Variants in SRRM3 observed in about 807,000 individuals in gnomAD.
The protein encoded by SRRM3 is serine/arginine repetitive matrix 3.
A neutral mutation model predicts 66.2 loss-of-function variants in SRRM3; 27 were observed. The ratio of observed to expected loss-of-function variants is 0.41; its 90% CI spans 0.30 to 0.56. SRRM3 has a LOEUF of 0.56. Ranked by LOEUF, SRRM3 falls within the 20% of genes least tolerant of loss-of-function variation. The pLI is 0.32. For missense variants in SRRM3, 918 were observed against 991.9 expected (o/e 0.93, Z 1.00); for synonymous variants, 391 against 414.9 (o/e 0.94, Z 0.70).
Position 76,285,724 on chromosome 7 carries a change from C to G in SRRM3, c.1843C>G (p.His615Asp). ...CCACAGCCGCAGCCCCAGCCCCGGC[C>G]ACAGCCACGGGAGCTACAGCAGTCG... The part of the protein sequence containing the change: ...RSHSRSPSPG[H>D]SHGSYSSRSH... Residue 615 changes from histidine to aspartate, a missense_variant, in exon 15 of 15, where the codon CAC becomes GAC. His to Asp is a moderately conservative substitution (Grantham distance 81). Transcript: ENST00000611745. The surrounding 1 kb of genome is among the most constrained non-coding windows in gnomAD (Gnocchi z 4.1). The G allele has an allele frequency of 6.4e-7, 1 of 1,550,754 alleles. No individual in the cohort carries two copies. Among genetic ancestry groups the G allele is most frequent in the Non-Finnish European group, 8.7e-7 (1 of 1,146,802 alleles).
At position 76,233,577 on chromosome 7, in the gene SRRM3, G is replaced by C. The variant is rs190364022; in HGVS notation, c.-39-1451G>C. ...GGAACTGGGGTATAGGGCTGGTCTC[G>C]GGACAGAGGCGGGAAGCCAGCAGGT... On this transcript the variant is annotated intron_variant, in intron 1 of 14. Transcript: ENST00000611745. 5.6e-4 allele frequency among the ~76,000 whole-genome samples: 86 copies of C among 152,276 alleles called. 1 individual carries two copies. Among genetic ancestry groups the C allele is most frequent in the Non-Finnish European group, 1.0e-4 (7 of 68,022 alleles).
intron 2 of SRRM3, 80 bp downstream of exon 2, chr7:76,235,379 G>A (rs1563618040): frequency 7.7e-7 from 1 of 1,293,364 alleles, no homozygotes; most frequent in Non-Finnish European, 1.0e-6. Flanking sequence ...CTGCACGTGG[G>A]CGTGGCGAAC....
chr7:76,239,101 C>T (rs950432198), intron 2 of SRRM3, among the ~76,000 whole-genome samples: 2 of 152,094 alleles, frequency 1.3e-5, no homozygotes, highest in African/African-American at 2.4e-5. Context: ...GGCACGATCT[C>T]GGCTTACTGC....
At chr7:76,235,380 C>G in intron 2 of SRRM3, 81 bp downstream of exon 2, 4 of 1,055,810 alleles carry the variant, frequency 3.8e-6, no homozygotes, top group Non-Finnish European at 5.1e-6. Context: ...TGCACGTGGG[C>G]GTGGCGAACG....
intron 1 of SRRM3, among the ~76,000 whole-genome samples, chr7:76,226,896 C>T (rs1800878089): frequency 1.3e-5 from 2 of 152,136 alleles, no homozygotes; most frequent in African/African-American, 2.4e-5. Flanking sequence ...CAGCCTGGTG[C>T]CACACACTTA....
chr7:76,267,496 G>A, intron 11 of SRRM3, 61 bp downstream of exon 11: 1 of 1,225,448 alleles, frequency 8.2e-7, no homozygotes, highest in Admixed American at 4.3e-5. Flanking sequence ...GCGTGGTCGG[G>A]CGGGTCGCCA....
At chr7:76,283,296 T>G (rs1583948292) in intron 14 of SRRM3, among the ~76,000 whole-genome samples, 195 bp downstream of exon 14, 5 of 146,216 alleles carry the variant, frequency 3.4e-5, no homozygotes, top group South Asian at 2.2e-4. Context: ...GAACTGGAGG[T>G]GCTGGGGTCT....
intron 2 of SRRM3, among the ~76,000 whole-genome samples, chr7:76,244,754 A>T (rs2117019258): frequency 6.6e-6 from 1 of 152,230 alleles, no homozygotes; most frequent in Non-Finnish European, 1.5e-5. Flanking sequence ...CCCCTATGGT[A>T]GCGCAACACC....
intron 11 of SRRM3, chr7:76,269,958 G>T: frequency 6.6e-6 from 1 of 150,516 alleles, no homozygotes; most frequent in Non-Finnish European, 1.5e-5. Flanking sequence ...TTTGTAATCT[G>T]AATTTAAAAG....
At chr7:76,274,179 C>A (rs1053085965) in intron 11 of SRRM3, among the ~76,000 whole-genome samples, 4 of 152,262 alleles carry the variant, frequency 2.6e-5, no homozygotes, top group African/African-American at 7.2e-5. Flanking sequence ...GCCTTCAGAT[C>A]CTGGAGGAAG....
At chr7:76,254,048 C>T (rs1380845398) in intron 3 of SRRM3, among the ~76,000 whole-genome samples, 2 of 152,064 alleles carry the variant, frequency 1.3e-5, no homozygotes, top group Non-Finnish European at 2.9e-5. Flanking sequence ...GATGGAGTCT[C>T]ACTGTCACCC....
chr7:76,250,223 T>C (rs1198142761), intron 3 of SRRM3, among the ~76,000 whole-genome samples: 1 of 151,318 alleles, frequency 6.6e-6, no homozygotes, highest in Non-Finnish European at 1.5e-5. Context: ...TTTTGTTTTT[T>C]TGTTTTGTTT....
chr7:76,281,457 C>T lies in SRRM3; in HGVS notation c.1025C>T (p.Ser342Leu), dbSNP rs1377201750. 3 of 1,235,476 alleles carry T rather than the reference C, an allele frequency of 2.4e-6. No homozygotes were observed. The highest frequency in any genetic ancestry group is 1.6e-5 in the African/African-American group (1 of 64,210). 76.5% of individuals were successfully genotyped at this position (1,235,476 alleles called of 1,614,324 possible). Reference protein sequence around the residue: ...HSPPDKPSSPSPRVRDKAAAA... With the variant: ...HSPPDKPSSPLPRVRDKAAAA... ...CCCCGTCAGAAGCCCAGCTCGCCCT[C>T]GCCCAGGGTCCGTGACAAGGCGGCG... Residue 342 changes from serine (S) to leucine (L), a missense_variant, in exon 12 of 15, where the codon TCG becomes TTG. By Grantham distance (145) the Ser-to-Leu change is moderately radical. Transcript: ENST00000611745.
intron 1 of SRRM3, among the ~76,000 whole-genome samples, chr7:76,216,365 G>A (rs1039668824): frequency 6.6e-6 from 1 of 152,140 alleles, no homozygotes; most frequent in Admixed American, 6.5e-5. Flanking sequence ...GTCTTGAACT[G>A]GGTTCAAGCA....
At chr7:76,212,629 C>T (rs1371818324) in intron 1 of SRRM3, among the ~76,000 whole-genome samples, 2 of 150,704 alleles carry the variant, frequency 1.3e-5, no homozygotes, top group African/African-American at 2.4e-5. Flanking sequence ...CCACCATGCC[C>T]GGCTAATTTT....
intron 11 of SRRM3, among the ~76,000 whole-genome samples, chr7:76,279,939 A>G (rs1802451275): frequency 6.6e-6 from 1 of 152,004 alleles, no homozygotes; most frequent in Admixed American, 6.6e-5. Context: ...CAGGCCTAGA[A>G]TGGGGTGGTT....
At chr7:76,264,946 A>G in intron 9 of SRRM3, 131 bp downstream of exon 9, 1 of 1,054,102 alleles carries the variant, frequency 9.5e-7, no homozygotes, top group Non-Finnish European at 1.4e-6. Flanking sequence ...ATTAAGATCT[A>G]GAAAGAAAGC....
chr7:76,208,647 C>T (rs951389850), intron 1 of SRRM3, among the ~76,000 whole-genome samples: 2 of 152,050 alleles, frequency 1.3e-5, no homozygotes, highest in East Asian at 3.9e-4. Flanking sequence ...CCAGCCTGGC[C>T]ATCATGGAGA....
chr7:76,204,003 C>T (rs1800227890), intron 1 of SRRM3, among the ~76,000 whole-genome samples: 1 of 152,142 alleles, frequency 6.6e-6, no homozygotes, highest in Non-Finnish European at 1.5e-5. Flanking sequence ...CCCCGTCACA[C>T]CTGCCAAAGG....
Sources: gnomAD v4.1 joint callset for allele counts (sites outside exome capture counted in the v4.1 genomes callset) on GRCh38, gnomAD v4.1.1 for gene constraint, Gnocchi (gnomAD v3.1) non-coding constraint, MANE v1.5 for transcripts, NCBI Gene and HGNC (gene_info 2026-07-23, HGNC 2026-07-21) for gene names.